ERC2: variants seen among roughly 807,000 people sequenced by gnomAD.
The protein encoded by ERC2 is ERC protein 2.
ERC2 carries 42 observed loss-of-function variants against 114.8 expected under a neutral mutation model. The ratio of observed to expected loss-of-function variants is 0.37; its 90% CI spans 0.29 to 0.47. The LOEUF is 0.47. ERC2 is among the 20% of genes least tolerant of loss of function. The pLI is 0.99. For synonymous variants in ERC2, 454 were observed against 425.5 expected (o/e 1.07, Z -0.82); for missense variants, 939 against 1,150.7 (o/e 0.82, Z 2.66).
At position 56,023,153 on chromosome 3, in the gene ERC2, T is replaced by C. The variant is rs988145537; in HGVS notation, c.1642-4122A>G. Among the ~76,000 whole-genome samples the C allele has an allele frequency of 2.0e-5, 3 of 152,174 alleles. No homozygotes were observed. In the East Asian group the frequency reaches 5.8e-4, roughly 29 times the overall value. On this transcript the variant is annotated intron_variant, in intron 7 of 17. Transcript: ENST00000288221. ...GTAGTCCTCAGCACAAAAGGGACCA[T>C]TGACTAACAGCCACAGCCTCCTTGA... is the stretch of plus-strand genomic sequence containing the variant.
intron 3 of ERC2, among the ~76,000 whole-genome samples, chr3:56,288,096 T>C (rs985106851): frequency 6.6e-6 from 1 of 152,240 alleles, no homozygotes; most frequent in African/African-American, 2.4e-5. Flanking sequence ...ATGTAAAGTA[T>C]TAATGTTTCC....
chr3:55,806,462 C>T (rs1211474737), intron 14 of ERC2, among the ~76,000 whole-genome samples: 1 of 152,042 alleles, frequency 6.6e-6, no homozygotes, highest in Non-Finnish European at 1.5e-5. Context: ...ACAAGGTCAC[C>T]ACCAAGCTGA....
intron 10 of ERC2, among the ~76,000 whole-genome samples, chr3:55,997,912 G>GT (rs2071697208): frequency 5.1e-5 from 1 of 19,726 alleles, no homozygotes; most frequent in African/African-American, 2.0e-4. Flanking sequence ...TTTTTTGTGT[G>GT]TGTGTGTGTG....
At chr3:55,979,899 C>T (rs889904139) in intron 12 of ERC2, among the ~76,000 whole-genome samples, 4 of 151,542 alleles carry the variant, frequency 2.6e-5, no homozygotes, top group African/African-American at 9.7e-5. Flanking sequence ...GCTGCAATCA[C>T]ACCACTGTAC....
At chr3:56,274,807 G>A (rs927614256) in intron 3 of ERC2, among the ~76,000 whole-genome samples, 18 of 152,294 alleles carry the variant, frequency 1.2e-4, no homozygotes, top group Admixed American at 6.5e-5. Flanking sequence ...ATACTAAGGC[G>A]ATGACATGGT....
At chr3:55,789,591 A>C (rs2069811174) in intron 14 of ERC2, among the ~76,000 whole-genome samples, 1 of 152,248 alleles carries the variant, frequency 6.6e-6, no homozygotes, top group South Asian at 2.1e-4. Flanking sequence ...ATGAAAGAAA[A>C]TACTTCATGT....
chr3:55,568,321 T>C (rs1006671618), intron 17 of ERC2, among the ~76,000 whole-genome samples: 16 of 152,304 alleles, frequency 1.1e-4, no homozygotes, highest in African/African-American at 3.4e-4. Flanking sequence ...CCATGTGGTC[T>C]AAGCTCAGAG....
intron 7 of ERC2, among the ~76,000 whole-genome samples, chr3:56,024,523 G>A (rs1042331012): frequency 9.2e-5 from 14 of 152,308 alleles, no homozygotes; most frequent in Admixed American, 9.2e-4. Context: ...CAGAGAGAGG[G>A]TCCTTCAAAA....
At chr3:56,340,657 A>G (rs919250505) in intron 2 of ERC2, among the ~76,000 whole-genome samples, 6 of 152,036 alleles carry the variant, frequency 3.9e-5, no homozygotes, top group Non-Finnish European at 8.8e-5. Flanking sequence ...AACAGCATGC[A>G]TAATCGTCTG....
chr3:55,741,874 C>T (rs2065979518), intron 14 of ERC2, among the ~76,000 whole-genome samples: 1 of 151,994 alleles, frequency 6.6e-6, no homozygotes, highest in African/African-American at 2.4e-5. Flanking sequence ...CAACGTGCAG[C>T]CTAAACAAAT....
intron 2 of ERC2, among the ~76,000 whole-genome samples, chr3:56,356,262 T>C (rs1180040131): frequency 6.6e-6 from 1 of 152,162 alleles, no homozygotes; most frequent in African/African-American, 2.4e-5. Context: ...AAATACAATT[T>C]TCCTAGGCTG....
At chr3:56,240,282 A>G (rs565624479) in intron 3 of ERC2, among the ~76,000 whole-genome samples, 8 of 152,342 alleles carry the variant, frequency 5.3e-5, no homozygotes, top group African/African-American at 1.7e-4. Context: ...GAAACAAGCC[A>G]AAACCATCAA....
intron 6 of ERC2, among the ~76,000 whole-genome samples, chr3:56,110,678 A>G (rs1213309690): frequency 6.6e-5 from 10 of 152,192 alleles, no homozygotes; most frequent in Non-Finnish European, 1.5e-4. Flanking sequence ...TTAACAATAC[A>G]TTACAAGGGG....
At chr3:55,549,137 C>T (rs2054968058) in intron 17 of ERC2, among the ~76,000 whole-genome samples, 1 of 152,176 alleles carries the variant, frequency 6.6e-6, no homozygotes, top group Non-Finnish European at 1.5e-5. Context: ...AATTTGGCTG[C>T]ATAAGACAGG....
rs148447456 is a variant in ERC2 at position 55,555,491 on chromosome 3, G to A, written c.*40-44215C>T. ...AGAAAGAGAAATGGGTACCAGGGCCGCTTGCAATGTTAGGGGGAGGGTCAC... is the reference window on the plus strand; with the variant it reads ...AGAAAGAGAAATGGGTACCAGGGCCACTTGCAATGTTAGGGGGAGGGTCAC... On this transcript the variant is annotated intron_variant, in intron 17 of 17. Coordinates refer to ENST00000288221, the MANE Select transcript of ERC2 (RefSeq NM_015576.3). 9.8e-3 allele frequency among the ~76,000 whole-genome samples: 1,492 copies of A among 152,286 alleles called. 16 individuals carry two copies. Among genetic ancestry groups the A allele is most frequent in the African/African-American group, 0.032 (1,350 of 41,554 alleles).
At position 55,991,998 on chromosome 3, in the gene ERC2, G is replaced by T. The variant is rs1232778612; in HGVS notation, c.2255+59C>A. 2.0e-6 allele frequency: 3 copies of T among 1,499,846 alleles called. No homozygotes were observed. In the Admixed American group the frequency reaches 5.4e-5, roughly 27 times the overall value. The allele number at this position is 1,499,846 out of a possible 1,614,324, so 92.9% of individuals were successfully genotyped here. On this transcript the variant is annotated intron_variant, in intron 11 of 17. Coordinates refer to ENST00000288221, the MANE Select transcript of ERC2 (RefSeq NM_015576.3). ...TCCAAATCCACCACAACCGGAGATG[G>T]GCAACCACGCAGTCCATGTTCTCTC...
At chr3:56,466,903 G>A (rs1281634622) in intron 1 of ERC2, among the ~76,000 whole-genome samples, 1 of 152,130 alleles carries the variant, frequency 6.6e-6, no homozygotes, top group Non-Finnish European at 1.5e-5. Context: ...CAATTCTGGA[G>A]AAATAGGTGG....
chr3:56,283,833 G>T (rs1217259097), intron 3 of ERC2, among the ~76,000 whole-genome samples: 1 of 152,180 alleles, frequency 6.6e-6, no homozygotes, highest in East Asian at 1.9e-4. Context: ...AAACCTAAAA[G>T]AAATTAAGCT....
At chr3:55,550,618 G>A (rs959750866) in intron 17 of ERC2, among the ~76,000 whole-genome samples, 7 of 152,246 alleles carry the variant, frequency 4.6e-5, no homozygotes, top group Admixed American at 2.6e-4. Context: ...AAGACTGAGA[G>A]TCTGAGATGG....
Sources: gnomAD v4.1 joint callset for allele counts (sites outside exome capture counted in the v4.1 genomes callset) on GRCh38, gnomAD v4.1.1 for gene constraint, MANE v1.5 for transcripts, NCBI Gene and HGNC (gene_info 2026-07-23, HGNC 2026-07-21) for gene names.